Variants in AZIN2 observed in about 807,000 individuals in gnomAD.
AZIN2 encodes the protein ODC antizyme inhibitor-2.
Under a neutral mutation model 47.8 loss-of-function variants are expected in AZIN2, and 28 were observed. The ratio of observed to expected loss-of-function variants is 0.59; its 90% confidence interval spans 0.43 to 0.80. The LOEUF is 0.80. Among genes scored for constraint, AZIN2 ranks in the 30% least tolerant of loss-of-function variants. AZIN2 has a pLI of 0.00. For missense variants in AZIN2, 535 were observed against 582.5 expected (o/e 0.92, Z 0.84); for synonymous variants, 221 against 239.4 (o/e 0.92, Z 0.71).
At chr1:33,154,084 C>T in the AZIN2 span, among the ~76,000 whole-genome samples, 3 of 152,182 alleles carry the variant, frequency 2.0e-5, no homozygotes, top group Non-Finnish European at 4.4e-5. Flanking sequence ...TAGAGGGCTG[C>T]AGCCGAAGGG....
rs1453993601 is a variant in AZIN2 at position 33,096,832 on chromosome 1, C to T, written c.879C>T (p.Ala293=). 2.5e-6 allele frequency: 4 copies of T among 1,614,154 alleles called. No homozygotes were observed. Among genetic ancestry groups the T allele is most frequent in the Non-Finnish European group, 3.4e-6 (4 of 1,180,020 alleles). The part of the protein sequence containing the change: ...SAFTVAVSII[A]KKEVLLDQPG... ...TCACTGTGGCAGTCAGCATCATTGC[C>T]AAGAAGGAGGTTCTGCTAGACCAGC... Residue 293 remains alanine (A), a synonymous_variant, in exon 9 of 12, where the codon GCC becomes GCT. Coordinates refer to ENST00000294517, the MANE Select transcript of AZIN2 (RefSeq NM_052998.4).
rs780653726 is a variant in AZIN2, at chr1:33,118,043, A to G, written c.1171A>G (p.Thr391Ala). The G allele has an allele frequency of 3.7e-5, 58 of 1,552,716 alleles. No homozygotes were observed. Among genetic ancestry groups the G allele is most frequent in the Admixed American group, 1.8e-4 (9 of 50,102 alleles). Residue 391 changes from threonine (T) to alanine (A), a missense_variant, in exon 11 of 12, where the codon ACT (threonine) becomes GCT (alanine). Coordinates refer to ENST00000294517, the MANE Select transcript of AZIN2 (RefSeq NM_052998.4). ...WLVFDNMGAYTVGMGSPFWGT... is the reference protein window; with the variant it reads ...WLVFDNMGAYAVGMGSPFWGT... ...GGTCTTTGACAACATGGGCGCCTAC[A>G]CTGTGGGCATGGGTTCCCCCTTTTG...
In AZIN2 at chr1:33,094,844, G is replaced by T. The variant is rs1419760399; in HGVS notation, c.753+131G>T. The T allele has an allele frequency of 5.0e-5, 48 of 964,176 alleles. 1 individual carries two copies. Among genetic ancestry groups the T allele is most frequent in the Non-Finnish European group, 7.0e-5 (45 of 645,726 alleles). The allele number at this position is 964,176 out of a possible 1,614,324, so 59.7% of individuals were successfully genotyped here. A position where few individuals can be genotyped will look rare whatever the true frequency, so the allele number is the denominator to read the frequency against. ...TGCAGTGCTTGGTGCTTACCTGGGT[G>T]ATCTCACTGCTTATTAACCCTGTGC... On this transcript the variant is annotated intron_variant, in intron 8 of 11. Transcript: ENST00000294517.
intron 4 of AZIN2, chr1:33,082,991 GCCTCTCC>G (rs1218717708): frequency 1.3e-5 from 2 of 152,700 alleles, no homozygotes; most frequent in African/African-American, 4.8e-5. Context: ...CCTTCTCTCA[GCCTCTCC>G]CCTCTTTACC....
Position 33,093,302 on chromosome 1 carries a change from C to A in AZIN2, c.473C>A (p.Thr158Asn). ...ATCAGGATGGTTCTGTGCATTGCTA[C>A]CGATGACTCCCACTCCCTGAGCTGC... ...PSAKMVLCIA[T>N]DDSHSLSCLS... The change falls in exon 7 of 12, where the codon ACC (threonine) becomes AAC (asparagine). Residue 158 changes from threonine to asparagine, a missense_variant. Physicochemically the swap from Thr to Asn is moderately conservative, Grantham distance 65. This residue lies in a region of AZIN2 where 409 missense variants were observed against 429.0 expected (regional missense o/e 0.95). Coordinates refer to ENST00000294517, the MANE Select transcript of AZIN2 (RefSeq NM_052998.4). The A allele has an allele frequency of 6.2e-7, 1 of 1,614,052 alleles. No individual in the cohort carries two copies. Among genetic ancestry groups the A allele is most frequent in the Non-Finnish European group, 8.5e-7 (1 of 1,179,976 alleles).
downstream of AZIN2, among the ~76,000 whole-genome samples, chr1:33,123,995 C>CA (rs570562912): frequency 1.6e-4 from 23 of 146,040 alleles, no homozygotes; most frequent in African/African-American, 3.3e-4. Flanking sequence ...GACTCCATCT[C>CA]AAAAAAAAAA....
downstream of AZIN2, among the ~76,000 whole-genome samples, chr1:33,126,468 G>GT (rs1644857295): frequency 6.6e-6 from 1 of 152,184 alleles, no homozygotes; most frequent in South Asian, 2.1e-4. Flanking sequence ...ACCTAAGACT[G>GT]TGCTTACCAC....
intron 4 of AZIN2, chr1:33,082,870 A>G (rs1189057814): frequency 6.4e-6 from 1 of 155,304 alleles, no homozygotes; most frequent in African/African-American, 2.4e-5. Flanking sequence ...CACAGTATAT[A>G]TTATGCTCCT....
chr1:33,127,042 G>A (rs1644861478), downstream of AZIN2, among the ~76,000 whole-genome samples: 1 of 152,168 alleles, frequency 6.6e-6, no homozygotes, highest in African/African-American at 2.4e-5. Flanking sequence ...ACTTGCCTCA[G>A]GGATTCCTCA....
intron 5 of AZIN2, among the ~76,000 whole-genome samples, chr1:33,086,577 G>A (rs1024857818): frequency 3.3e-5 from 5 of 152,232 alleles, no homozygotes; most frequent in Admixed American, 1.3e-4. Flanking sequence ...GCTTAACAGC[G>A]TTGTGCCTTA....
intron 5 of AZIN2, among the ~76,000 whole-genome samples, chr1:33,090,781 C>A (rs570765385): frequency 2.0e-5 from 3 of 152,252 alleles, no homozygotes; most frequent in Admixed American, 6.5e-5. Flanking sequence ...CCATGATGTA[C>A]ATTAGATCTC....
chr1:33,115,884 AT>A (rs1350455504), intron 10 of AZIN2, among the ~76,000 whole-genome samples: 2 of 152,176 alleles, frequency 1.3e-5, no homozygotes, highest in African/African-American at 4.8e-5. Flanking sequence ...AATCTTTAAA[AT>A]TTATTTTCCC....
chr1:33,138,743 T>A, the AZIN2 span, among the ~76,000 whole-genome samples: 6 of 152,300 alleles, frequency 3.9e-5, no homozygotes, highest in South Asian at 1.2e-3. Context: ...TTGTGTCTTG[T>A]GTATTTTCCA....
chr1:33,162,426 T>G, the AZIN2 span, among the ~76,000 whole-genome samples: 670 of 152,326 alleles, frequency 4.4e-3, 22 homozygotes, highest in East Asian at 0.082. Context: ...CCAGAGCCTT[T>G]TGTCAACAGT....
chr1:33,096,781 G>T lies in AZIN2; in HGVS notation c.828G>T (p.Leu276=). The T allele has an allele frequency of 6.2e-7, 1 of 1,614,212 alleles. No individual in the cohort carries two copies. Among genetic ancestry groups the T allele is most frequent in the Non-Finnish European group, 8.5e-7 (1 of 1,180,038 alleles). ...GTGGCGTGGACATCTTTGCTGAGCT[G>T]GGGCGCTACTACGTGACCTCGGCCT... ...EGCGVDIFAE[L]GRYYVTSAFT... The change falls in exon 9 of 12, where the codon CTG becomes CTT. Residue 276 remains leucine, a synonymous_variant. Coordinates refer to ENST00000294517, the MANE Select transcript of AZIN2 (RefSeq NM_052998.4).
the AZIN2 span, chr1:33,163,988 G>C: frequency 6.6e-6 from 1 of 152,550 alleles, no homozygotes; most frequent in Admixed American, 6.5e-5. Flanking sequence ...GATGTGGAGA[G>C]AAGAGAGTGC....
At chr1:33,147,448 A>G in the AZIN2 span, 2 of 1,613,996 alleles carry the variant, frequency 1.2e-6, no homozygotes, top group Non-Finnish European at 1.7e-6. The surrounding 1 kb of genome is among the most constrained non-coding windows in gnomAD (Gnocchi z 8.1). Context: ...GATGCAGTAG[A>G]AGCCGCGGCT....
At chr1:33,087,788 C>T (rs1282636633) in intron 5 of AZIN2, among the ~76,000 whole-genome samples, 1 of 151,944 alleles carries the variant, frequency 6.6e-6, no homozygotes, top group East Asian at 1.9e-4. Flanking sequence ...TATGGTCCTA[C>T]TTTTAAAGGC....
chr1:33,094,321 G>A (rs1642906961), intron 7 of AZIN2, among the ~76,000 whole-genome samples: 1 of 152,210 alleles, frequency 6.6e-6, no homozygotes, highest in South Asian at 2.1e-4. Flanking sequence ...CAGAAGGAGG[G>A]ATGGGAGGAG....
Sources: gnomAD v4.1 joint callset for allele counts (sites outside exome capture counted in the v4.1 genomes callset) on GRCh38, gnomAD v4.1.1 for gene constraint, gnomAD v4.1.1 regional missense constraint, Gnocchi (gnomAD v3.1) non-coding constraint, MANE v1.5 for transcripts, NCBI Gene and HGNC (gene_info 2026-07-23, HGNC 2026-07-21) for gene names.